CACNA1C: variants seen among roughly 807,000 people sequenced by gnomAD.
CACNA1C encodes the protein voltage-dependent L-type calcium channel subunit alpha-1C.
A neutral mutation model predicts 229.0 loss-of-function variants in CACNA1C; 30 were observed. That is an observed-to-expected ratio of 0.13 (90% CI 0.10 to 0.18). The LOEUF (loss-of-function observed/expected upper bound fraction) is 0.18, where lower values mean the gene tolerates loss of function less well. Among genes scored for constraint, CACNA1C ranks in the 10% least tolerant of loss-of-function variants. The probability of loss-of-function intolerance (pLI) is 1.00; values close to 1 mark genes in which losing one functional copy is unlikely to be tolerated. For missense variants in CACNA1C, 1,658 were observed against 2,845.0 expected, an observed-to-expected ratio of 0.58 and a Z score of 9.49; for synonymous variants, 1,114 against 1,132.5, an observed-to-expected ratio of 0.98 and a Z score of 0.33.
chr12:2,241,834 A>T (rs1432239779), intron 3 of CACNA1C, among the ~76,000 whole-genome samples: 1 of 152,228 alleles, frequency 6.6e-6, no homozygotes, highest in African/African-American at 2.4e-5. Flanking sequence ...CAGAGAACTC[A>T]GTGTGCCTGG....
At chr12:2,599,062 G>A (rs534166284) in intron 21 of CACNA1C, among the ~76,000 whole-genome samples, 61 of 152,286 alleles carry the variant, frequency 4.0e-4, no homozygotes, top group Non-Finnish European at 7.5e-4. Context: ...GACAAGAGAC[G>A]CTCTGAGGCC....
intron 3 of CACNA1C, among the ~76,000 whole-genome samples, chr12:2,439,257 G>A (rs934932736): frequency 6.6e-6 from 1 of 152,164 alleles, no homozygotes; most frequent in Non-Finnish European, 1.5e-5. Context: ...ACTCCAAGAG[G>A]GTGACACAGG....
intron 3 of CACNA1C, among the ~76,000 whole-genome samples, chr12:2,246,704 G>A (rs1224026464): frequency 2.6e-5 from 4 of 152,244 alleles, no homozygotes; most frequent in South Asian, 2.1e-4. Flanking sequence ...TAACTGCTAC[G>A]CTCTGTCCTA....
At chr12:2,237,086 G>A (rs922651045) in intron 3 of CACNA1C, among the ~76,000 whole-genome samples, 7 of 152,216 alleles carry the variant, frequency 4.6e-5, no homozygotes, top group East Asian at 1.9e-4. Context: ...CTTGCTTGTC[G>A]TGTGGGGCAT....
At chr12:2,640,216 G>A (rs932148795) in intron 30 of CACNA1C, among the ~76,000 whole-genome samples, 2 of 152,202 alleles carry the variant, frequency 1.3e-5, no homozygotes, top group Admixed American at 6.5e-5. Context: ...GTGAATGGGA[G>A]GCAAATCTTG....
chr12:2,354,465 G>A lies in CACNA1C; in HGVS notation c.478-94511G>A, dbSNP rs530895213. Among the ~76,000 whole-genome samples, 21 of 152,280 alleles carry A rather than the reference G, an allele frequency of 1.4e-4. No individual in the cohort carries two copies. The highest frequency in any genetic ancestry group is 5.1e-4 in the African/African-American group (21 of 41,564). ...TGCAGCCTGTAGGGAAACGCCGGGAGGAACAGGAGACTGTTGAGAAGGGGA... is the reference window on the plus strand; with the variant it reads ...TGCAGCCTGTAGGGAAACGCCGGGAAGAACAGGAGACTGTTGAGAAGGGGA... On this transcript the variant is annotated intron_variant, in intron 3 of 46. Coordinates refer to ENST00000399655, the MANE Select transcript of CACNA1C (RefSeq NM_000719.7). The surrounding 1 kb of genome is among the most constrained non-coding windows in gnomAD (Gnocchi z 4.6).
At chr12:2,137,955 C>T (rs1437305771) in intron 3 of CACNA1C, among the ~76,000 whole-genome samples, 6 of 151,418 alleles carry the variant, frequency 4.0e-5, no homozygotes, top group African/African-American at 1.4e-4. Context: ...GCGCCCCTGC[C>T]GGGAGCTCAT....
At chr12:2,030,884 C>A (rs1255050385) in intron 1 of CACNA1C, among the ~76,000 whole-genome samples, 1 of 152,176 alleles carries the variant, frequency 6.6e-6, no homozygotes, top group Non-Finnish European at 1.5e-5. Flanking sequence ...AGCTGGAGAC[C>A]CAGCAACAAG....
rs1302638549 is a variant in CACNA1C at position 2,410,723 on chromosome 12, C to T, written c.478-38253C>T. ...CTGTGTGTGTGTGTGTGCGTGCACG[C>T]ATGTGTGTGTGTGCATGCGTGTGTG... On this transcript the variant is annotated intron_variant, in intron 3 of 46. Transcript: ENST00000399655. The surrounding 1 kb of genome is among the most constrained non-coding windows in gnomAD (Gnocchi z 5.3). Among the ~76,000 whole-genome samples the T allele has an allele frequency of 3.1e-5, 4 of 129,208 alleles. No individual in the cohort carries two copies. Among genetic ancestry groups the T allele is most frequent in the African/African-American group, 1.2e-4 (4 of 33,042 alleles). 84.8% of individuals were successfully genotyped at this position (129,208 alleles called of 152,430 possible).
chr12:2,185,580 G>T (rs1054336533), intron 3 of CACNA1C, among the ~76,000 whole-genome samples: 6 of 152,200 alleles, frequency 3.9e-5, no homozygotes, highest in Non-Finnish European at 7.3e-5. Flanking sequence ...AGACACACAT[G>T]GACACAGACA....
At chr12:2,446,883 G>A (rs1423404363) in intron 3 of CACNA1C, among the ~76,000 whole-genome samples, 1 of 152,118 alleles carries the variant, frequency 6.6e-6, no homozygotes, top group African/African-American at 2.4e-5. Context: ...TGGATGGATG[G>A]GTGGGCAGGT....
chr12:2,292,524 C>A (rs899523347), intron 3 of CACNA1C, among the ~76,000 whole-genome samples: 1 of 152,218 alleles, frequency 6.6e-6, no homozygotes, highest in African/African-American at 2.4e-5. Context: ...ACGTTTGAAA[C>A]CTCCAGGACT....
chr12:2,442,601 C>T (rs10774045), intron 3 of CACNA1C, among the ~76,000 whole-genome samples: 11,159 of 152,124 alleles, frequency 0.073, 499 homozygotes, highest in African/African-American at 0.12. Flanking sequence ...TGTATTGGGC[C>T]GTTGTTGCAG....
intron 1 of CACNA1C, among the ~76,000 whole-genome samples, chr12:2,037,632 A>G (rs960765674): frequency 6.6e-6 from 1 of 152,302 alleles, no homozygotes; most frequent in Non-Finnish European, 1.5e-5. Flanking sequence ...ACTGGTTTCC[A>G]CCATCGTACC....
chr12:2,355,143 C>T (rs1006490174), intron 3 of CACNA1C, among the ~76,000 whole-genome samples: 1 of 152,206 alleles, frequency 6.6e-6, no homozygotes, highest in Admixed American at 6.5e-5. Context: ...TGAACTATTG[C>T]ATAGAAAAGG....
chr12:2,162,220 C>G, intron 3 of CACNA1C, among the ~76,000 whole-genome samples: 1 of 151,982 alleles, frequency 6.6e-6, no homozygotes, highest in East Asian at 1.9e-4. Context: ...GAGGTTGTCC[C>G]TTTCTTAATG....
chr12:2,193,576 G>A (rs1423134897), intron 3 of CACNA1C, among the ~76,000 whole-genome samples: 2 of 152,242 alleles, frequency 1.3e-5, no homozygotes, highest in Non-Finnish European at 2.9e-5. Flanking sequence ...TCAGGCAAGC[G>A]ATGAGCAAGC....
intron 9 of CACNA1C, among the ~76,000 whole-genome samples, chr12:2,525,693 A>T (rs2099817450): frequency 1.3e-5 from 2 of 152,224 alleles, no homozygotes; most frequent in African/African-American, 4.8e-5. Context: ...GAAAAAGTCG[A>T]GTAACAACCC....
chr12:2,459,834 C>T (rs553253964), intron 5 of CACNA1C, among the ~76,000 whole-genome samples: 7 of 152,266 alleles, frequency 4.6e-5, no homozygotes, highest in Non-Finnish European at 8.8e-5. Flanking sequence ...ACAATGACCC[C>T]GACCTGTTAT....
Sources: gnomAD v4.1 joint callset for allele counts (sites outside exome capture counted in the v4.1 genomes callset) on GRCh38, gnomAD v4.1.1 for gene constraint, Gnocchi (gnomAD v3.1) non-coding constraint, MANE v1.5 for transcripts, NCBI Gene and HGNC (gene_info 2026-07-23, HGNC 2026-07-21) for gene names.